QKI: variants seen among roughly 807,000 people sequenced by gnomAD.
QKI encodes KH domain-containing RNA-binding protein QKI.
Under a neutral mutation model 39.0 loss-of-function variants are expected in QKI, and 10 were observed. The ratio of observed to expected loss-of-function variants is 0.26; its 90% CI spans 0.16 to 0.43. QKI has a LOEUF of 0.43. Among genes scored for constraint, QKI ranks in the 20% least tolerant of loss-of-function variants. The pLI, the probability that QKI is intolerant of heterozygous loss-of-function variation, is 1.00. For missense variants in QKI, 218 were observed against 428.0 expected, an observed-to-expected ratio of 0.51 and a Z score of 4.33; for synonymous variants, 204 against 155.4, an observed-to-expected ratio of 1.31 and a Z score of -2.33.
Position 163,521,068 on chromosome 6 carries a change from C to A in QKI, c.403-13914C>A, listed in dbSNP as rs188245680. Among the ~76,000 whole-genome samples, 5 of 151,890 alleles carry A rather than the reference C, an allele frequency of 3.3e-5. No individual in the cohort carries two copies. The East Asian group carries it at 7.7e-4, about 23-fold the overall frequency. Reference sequence around the variant, plus strand: ...GAGAAGAATGGGTGTGTGAAATACACGTTAATACTTTGGAATTTAAGTGAA... The same window carrying A: ...GAGAAGAATGGGTGTGTGAAATACAAGTTAATACTTTGGAATTTAAGTGAA... On this transcript the variant is annotated intron_variant, in intron 3 of 7. Transcript: ENST00000361752.
At chr6:163,457,423 T>C in intron 2 of QKI, 1 of 455,964 alleles carries the variant, frequency 2.2e-6, no homozygotes, top group South Asian at 1.5e-5. Flanking sequence ...CCGACTGGTG[T>C]GTTGGAGCAT....
chr6:163,556,560 T>G, intron 4 of QKI, among the ~76,000 whole-genome samples: 1 of 149,912 alleles, frequency 6.7e-6, no homozygotes, highest in South Asian at 2.1e-4. Flanking sequence ...TGATGACATA[T>G]CTATATCTTA....
chr6:163,434,771 A>G (rs930024408), intron 1 of QKI, among the ~76,000 whole-genome samples: 2 of 152,100 alleles, frequency 1.3e-5, no homozygotes, highest in Admixed American at 6.5e-5. Flanking sequence ...AAAAAAATTA[A>G]ATTTTACAAA....
At chr6:163,510,217 AAAT>A (rs142297811) in intron 3 of QKI, among the ~76,000 whole-genome samples, 4,966 of 136,200 alleles carry the variant, frequency 0.036, 113 homozygotes, top group African/African-American at 0.059. Flanking sequence ...CTCTATCTCA[AAAT>A]AATAATAATA....
At chr6:163,548,139 TATG>T (rs1782005060) in intron 4 of QKI, among the ~76,000 whole-genome samples, 2 of 151,230 alleles carry the variant, frequency 1.3e-5, no homozygotes, top group East Asian at 4.0e-4. Flanking sequence ...ATGCATTGTC[TATG>T]ATAGTGGTGT....
chr6:163,574,532 A>G lies in QKI; in HGVS notation c.*3822A>G, dbSNP rs1483518194. 2.6e-5 allele frequency: 4 copies of G among 152,236 alleles called. No homozygotes were observed. Among genetic ancestry groups the G allele is most frequent in the Non-Finnish European group, 4.4e-5 (3 of 68,042 alleles). 9.4% of individuals were successfully genotyped at this position (152,236 alleles called of 1,614,324 possible). ...TTTCTCTGTCACCTACTTTACAAATACAGTCAGACTAAAACATTAAACAAG... is the reference window on the plus strand; with the variant it reads ...TTTCTCTGTCACCTACTTTACAAATGCAGTCAGACTAAAACATTAAACAAG... On this transcript the variant is annotated 3_prime_UTR_variant, in exon 8 of 8. Transcript: ENST00000361752.
At chr6:163,543,190 TG>T (rs1781652213) in intron 4 of QKI, among the ~76,000 whole-genome samples, 2 of 152,098 alleles carry the variant, frequency 1.3e-5, no homozygotes, top group East Asian at 3.8e-4. Context: ...GTTAATGAGT[TG>T]ATGGTACTGC....
chr6:163,564,872 T>G (rs766001596), intron 6 of QKI: 1 of 1,395,080 alleles, frequency 7.2e-7, no homozygotes, highest in East Asian at 2.5e-5. Flanking sequence ...CTGTTGACTT[T>G]TAGGACTTTG....
At chr6:163,556,503 CAAAAAAAA>C (rs61233361) in intron 4 of QKI, among the ~76,000 whole-genome samples, 1 of 83,086 alleles carries the variant, frequency 1.2e-5, no homozygotes, top group African/African-American at 3.8e-5. Context: ...AATTCCACCT[CAAAAAAAA>C]AAAAAAAAAA....
At chr6:163,555,721 A>C (rs926507269) in intron 4 of QKI, among the ~76,000 whole-genome samples, 1 of 152,186 alleles carries the variant, frequency 6.6e-6, no homozygotes, top group Non-Finnish European at 1.5e-5. Context: ...ATGCTGGAGA[A>C]TTTGGGCCTT....
intron 4 of QKI, among the ~76,000 whole-genome samples, chr6:163,548,285 T>C (rs1374127617): frequency 1.3e-5 from 2 of 152,104 alleles, no homozygotes; most frequent in Non-Finnish European, 2.9e-5. Flanking sequence ...TAGAAAGTGA[T>C]CAGTGTTTGT....
chr6:163,532,255 A>G (rs10484573), intron 3 of QKI, among the ~76,000 whole-genome samples: 4,254 of 152,280 alleles, frequency 0.028, 194 homozygotes, highest in African/African-American at 0.096. Flanking sequence ...TTGTATTAGT[A>G]TCTATATGCA....
chr6:163,567,484 T>C, intron 7 of QKI: 1 of 984,502 alleles, frequency 1.0e-6, no homozygotes, highest in Non-Finnish European at 1.2e-6. Flanking sequence ...GTAAACTGTC[T>C]CTTGAAGTTC....
intron 2 of QKI, among the ~76,000 whole-genome samples, chr6:163,475,562 C>G (rs1029272391): frequency 6.6e-6 from 1 of 152,038 alleles, no homozygotes; most frequent in African/African-American, 2.4e-5. Context: ...CCCCAGATAC[C>G]AAGGGACGAT....
chr6:163,495,305 A>T (rs2128229822), intron 3 of QKI, among the ~76,000 whole-genome samples: 1 of 152,226 alleles, frequency 6.6e-6, no homozygotes, highest in South Asian at 2.1e-4. Context: ...GTGGGAACCA[A>T]CCCTGTATTT....
intron 2 of QKI, among the ~76,000 whole-genome samples, chr6:163,462,562 A>G (rs760278191): frequency 6.6e-6 from 1 of 152,240 alleles, no homozygotes; most frequent in Admixed American, 6.5e-5. Context: ...TTAAGATTGC[A>G]TATAAATAGT....
intron 6 of QKI, chr6:163,565,849 A>G (rs1034255161): frequency 6.6e-7 from 1 of 1,525,674 alleles, no homozygotes; most frequent in Non-Finnish European, 8.9e-7. Context: ...CCTTCAAAAC[A>G]GATGCAGACA....
chr6:163,556,500 C>A (rs1782622425), intron 4 of QKI, among the ~76,000 whole-genome samples: 1 of 68,078 alleles, frequency 1.5e-5, no homozygotes, highest in Admixed American at 2.1e-4. Flanking sequence ...CAAAATTCCA[C>A]CTCAAAAAAA....
intron 7 of QKI, chr6:163,568,179 T>C: frequency 4.1e-6 from 4 of 984,926 alleles, no homozygotes; most frequent in Non-Finnish European, 3.6e-6. Flanking sequence ...GACAATTCCA[T>C]GAATAATTTG....
Sources: gnomAD v4.1 joint callset for allele counts (sites outside exome capture counted in the v4.1 genomes callset) on GRCh38, gnomAD v4.1.1 for gene constraint, MANE v1.5 for transcripts, NCBI Gene and HGNC (gene_info 2026-07-23, HGNC 2026-07-21) for gene names.